The following NEDD4L variants were observed in gnomAD, a reference collection of about 807,000 sequenced individuals.
The protein encoded by NEDD4L is E3 ubiquitin-protein ligase NEDD4-like.
Under a neutral mutation model 148.9 loss-of-function variants are expected in NEDD4L, and 54 were observed. That is an observed-to-expected ratio of 0.36 (90% CI 0.29 to 0.45). The LOEUF (loss-of-function observed/expected upper bound fraction) is 0.45, where lower values mean the gene tolerates loss of function less well. Among genes scored for constraint, NEDD4L ranks in the 20% least tolerant of loss-of-function variants. NEDD4L has a pLI of 1.00. For synonymous variants in NEDD4L, 433 were observed against 440.7 expected (o/e 0.98, Z 0.22); for missense variants, 856 against 1,233.8 (o/e 0.69, Z 4.59).
chr18:58,147,424 G>A (rs483338), intron 1 of NEDD4L, among the ~76,000 whole-genome samples: 4,634 of 152,112 alleles, frequency 0.03, 241 homozygotes, highest in African/African-American at 0.11. Context: ...CCCCCTCCCC[G>A]AATTGAGAAG....
intron 2 of NEDD4L, among the ~76,000 whole-genome samples, chr18:58,167,781 CCCT>C (rs1044133653): frequency 6.6e-6 from 1 of 151,888 alleles, no homozygotes; most frequent in African/African-American, 2.4e-5. Flanking sequence ...GTGGATTGTG[CCCT>C]TAGGTTAAAA....
intron 1 of NEDD4L, among the ~76,000 whole-genome samples, chr18:58,087,930 G>A (rs563833351): frequency 6.6e-6 from 1 of 152,276 alleles, no homozygotes; most frequent in South Asian, 2.1e-4. Flanking sequence ...CTTCCTGGGG[G>A]TCAGGGATCC....
intron 2 of NEDD4L, among the ~76,000 whole-genome samples, chr18:58,231,174 C>G (rs1308841860): frequency 6.8e-6 from 1 of 147,214 alleles, no homozygotes; most frequent in African/African-American, 2.5e-5. Flanking sequence ...TGCTTGAGCC[C>G]AGGAGATCCA....
At chr18:58,104,325 C>T (rs569359687) in intron 1 of NEDD4L, among the ~76,000 whole-genome samples, 6 of 152,234 alleles carry the variant, frequency 3.9e-5, no homozygotes, top group South Asian at 2.1e-4. Flanking sequence ...TCTCTAAGAT[C>T]GGGGCTGGGG....
At chr18:58,260,156 A>G (rs2049168293) in intron 5 of NEDD4L, among the ~76,000 whole-genome samples, 1 of 152,178 alleles carries the variant, frequency 6.6e-6, no homozygotes, top group Non-Finnish European at 1.5e-5. Context: ...GGGCAGCAGA[A>G]CGAGACTTTG....
At chr18:58,102,554 C>T (rs758173943) in intron 1 of NEDD4L, among the ~76,000 whole-genome samples, 4 of 152,168 alleles carry the variant, frequency 2.6e-5, no homozygotes, top group Non-Finnish European at 4.4e-5. Context: ...TAACCCCCAC[C>T]CCCATCTGCA....
chr18:58,331,801 A>C (rs2059811836), intron 11 of NEDD4L, among the ~76,000 whole-genome samples: 1 of 152,356 alleles, frequency 6.6e-6, no homozygotes, highest in Non-Finnish European at 1.5e-5. Flanking sequence ...ATAGCACTGC[A>C]TACAATGTAA....
At chr18:58,206,532 G>A (rs924148549) in intron 2 of NEDD4L, among the ~76,000 whole-genome samples, 1 of 152,158 alleles carries the variant, frequency 6.6e-6, no homozygotes, top group African/African-American at 2.4e-5. Context: ...TTTGCACGGG[G>A]TCTGAACCTC....
chr18:58,056,985 T>A (rs979796996), intron 1 of NEDD4L, among the ~76,000 whole-genome samples: 1 of 151,646 alleles, frequency 6.6e-6, no homozygotes, highest in Non-Finnish European at 1.5e-5. Flanking sequence ...CTGTTGTGTC[T>A]CAGGGCCCAC....
At chr18:58,238,912 G>GAATTC (rs2046325030) in intron 2 of NEDD4L, among the ~76,000 whole-genome samples, 1 of 151,950 alleles carries the variant, frequency 6.6e-6, no homozygotes, top group African/African-American at 2.4e-5. Flanking sequence ...CAATATTATT[G>GAATTC]CATGTATTCA....
chr18:58,391,894 G>A (rs1396141542), intron 30 of NEDD4L, among the ~76,000 whole-genome samples: 1 of 152,208 alleles, frequency 6.6e-6, no homozygotes, highest in African/African-American at 2.4e-5. Flanking sequence ...AACACGTTGG[G>A]TTTTTACTCC....
intron 12 of NEDD4L, among the ~76,000 whole-genome samples, chr18:58,335,134 C>A (rs1035050405): frequency 1.3e-5 from 2 of 152,194 alleles, no homozygotes; most frequent in African/African-American, 4.8e-5. Flanking sequence ...TCACCAGTGG[C>A]CTCTTGAGTT....
chr18:58,248,896 C>T lies in NEDD4L; in HGVS notation c.205-3C>T, dbSNP rs201870987. 2 of 1,479,328 alleles carry T rather than the reference C, an allele frequency of 1.4e-6. No individual in the cohort carries two copies. Among genetic ancestry groups the T allele is most frequent in the Non-Finnish European group, 1.8e-6 (2 of 1,081,554 alleles). 91.6% of individuals were successfully genotyped at this position (1,479,328 alleles called of 1,614,324 possible). ...AGATACTACAAGATAATTTCTCTTCCAGACACTGAACCCAAAATGGAATGA... is the reference window on the plus strand; with the variant it reads ...AGATACTACAAGATAATTTCTCTTCTAGACACTGAACCCAAAATGGAATGA... On this transcript the variant is annotated splice_region_variant and splice_polypyrimidine_tract_variant and intron_variant, in intron 3 of 30. Transcript: ENST00000400345.
At chr18:58,195,516 C>T (rs1309736354) in intron 2 of NEDD4L, 2 of 1,344,910 alleles carry the variant, frequency 1.5e-6, no homozygotes, top group Non-Finnish European at 2.0e-6. Flanking sequence ...GCGCAGGGCC[C>T]TACCTGGGCG....
chr18:58,313,564 G>T (rs1193759650), intron 5 of NEDD4L, among the ~76,000 whole-genome samples: 1 of 152,200 alleles, frequency 6.6e-6, no homozygotes, highest in East Asian at 1.9e-4. Context: ...CTGACATATG[G>T]CACACAGTGT....
At chr18:58,194,892 G>T (rs1024198609) in intron 2 of NEDD4L, among the ~76,000 whole-genome samples, 1 of 152,180 alleles carries the variant, frequency 6.6e-6, no homozygotes, top group African/African-American at 2.4e-5. Flanking sequence ...TGGTCCAAAA[G>T]CAGCACGTGA....
chr18:58,045,292 G>A, intron 1 of NEDD4L: 1 of 396,666 alleles, frequency 2.5e-6, no homozygotes. Context: ...TGTGGATTTC[G>A]GAGCCTCGGT....
intron 1 of NEDD4L, among the ~76,000 whole-genome samples, chr18:58,130,845 T>C (rs888654982): frequency 6.8e-5 from 10 of 146,856 alleles, no homozygotes; most frequent in African/African-American, 2.5e-4. Context: ...TGTTGGGATT[T>C]GGTTGGTTGT....
In NEDD4L at chr18:58,398,340, C is replaced by T. The variant is rs1004738444; in HGVS notation, c.*2071C>T. 1.3e-5 allele frequency: 2 copies of T among 151,432 alleles called. No individual in the cohort carries two copies. Among genetic ancestry groups the T allele is most frequent in the East Asian group, 1.9e-4 (1 of 5,178 alleles). The allele number at this position is 151,432 out of a possible 1,614,324, so 9.4% of individuals were successfully genotyped here. On this transcript the variant is annotated 3_prime_UTR_variant, in exon 31 of 31. Transcript: ENST00000400345. Reference sequence around the variant, plus strand: ...TTAAGAATCATGCCAGAGCCTGAGTCGAGCAGTATGCTTTCTTGGTTTTTG... The same window carrying T: ...TTAAGAATCATGCCAGAGCCTGAGTTGAGCAGTATGCTTTCTTGGTTTTTG...
Sources: gnomAD v4.1 joint callset for allele counts (sites outside exome capture counted in the v4.1 genomes callset) on GRCh38, gnomAD v4.1.1 for gene constraint, MANE v1.5 for transcripts, NCBI Gene and HGNC (gene_info 2026-07-23, HGNC 2026-07-21) for gene names.